STK32A: variants seen among roughly 807,000 people sequenced by gnomAD.
The protein encoded by STK32A is serine/threonine-protein kinase 32A.
STK32A carries 41 observed loss-of-function variants against 53.2 expected under a neutral mutation model. The ratio of observed to expected loss-of-function variants is 0.77; its 90% CI spans 0.60 to 1.00. The LOEUF is 1.00. STK32A is among the 50% of genes least tolerant of loss of function. The probability of loss-of-function intolerance (pLI) is 0.00; values close to 1 mark genes in which losing one functional copy is unlikely to be tolerated. For missense variants in STK32A, 458 were observed against 485.8 expected, an observed-to-expected ratio of 0.94 and a Z score of 0.54; for synonymous variants, 166 against 162.8, an observed-to-expected ratio of 1.02 and a Z score of -0.15.
intron 2 of STK32A, among the ~76,000 whole-genome samples, chr5:147,255,070 G>T (rs905464379): frequency 6.6e-6 from 1 of 152,160 alleles, no homozygotes; most frequent in African/African-American, 2.4e-5. Context: ...AACCCAGGAG[G>T]CGGAGCTTGC....
intron 4 of STK32A, among the ~76,000 whole-genome samples, chr5:147,287,157 G>T (rs529189271): frequency 6.6e-6 from 1 of 152,224 alleles, no homozygotes; most frequent in South Asian, 2.1e-4. Context: ...TGTGATCTGC[G>T]CTCCAAGCTA....
In STK32A at chr5:147,294,043, C is replaced by T. The variant is rs138711732; in HGVS notation, c.260+14645C>T. Among the ~76,000 whole-genome samples, 359 of 152,258 alleles carry T rather than the reference C, an allele frequency of 2.4e-3. 6 individuals carry two copies. In the East Asian group the frequency reaches 0.037, roughly 16 times the overall value. The stretch of plus-strand genomic sequence containing the variant: ...ATCTTTTATAACCTATTACAATTTT[C>T]TATTAAAGAGAAGATCAATGTTTCA... On this transcript the variant is annotated intron_variant, in intron 4 of 12. Transcript: ENST00000397936.
intron 2 of STK32A, among the ~76,000 whole-genome samples, chr5:147,275,995 T>C (rs1482709254): frequency 6.6e-6 from 1 of 152,226 alleles, no homozygotes; most frequent in Non-Finnish European, 1.5e-5. Context: ...AATGTCATCA[T>C]GGCATTCTAG....
At chr5:147,357,920 A>G (rs1056126628) in intron 7 of STK32A, among the ~76,000 whole-genome samples, 1 of 152,080 alleles carries the variant, frequency 6.6e-6, no homozygotes, top group African/African-American at 2.4e-5. Flanking sequence ...TATTCTGTAG[A>G]TTTCAAATCT....
Position 147,385,106 on chromosome 5 carries a change from T to G in STK32A, c.*1123T>G, listed in dbSNP as rs550839720. On this transcript the variant is annotated 3_prime_UTR_variant, in exon 13 of 13. Transcript: ENST00000397936. ...GGCTAATACCAGATGAGCTAAAATG[T>G]TGAACAAATTATACTTGTTTTTATA... 67 of 152,298 alleles carry G rather than the reference T, an allele frequency of 4.4e-4. No individual in the cohort carries two copies. The highest frequency in any genetic ancestry group is 1.6e-3 in the African/African-American group (67 of 41,572). 9.4% of individuals were successfully genotyped at this position (152,298 alleles called of 1,614,324 possible).
intron 4 of STK32A, among the ~76,000 whole-genome samples, chr5:147,286,272 G>C (rs928277904): frequency 2.6e-5 from 4 of 152,012 alleles, no homozygotes; most frequent in African/African-American, 4.8e-5. Flanking sequence ...GGAGACTTAG[G>C]GGGAAGAGTG....
intron 4 of STK32A, among the ~76,000 whole-genome samples, chr5:147,308,810 G>A (rs924566980): frequency 2.0e-5 from 3 of 151,274 alleles, no homozygotes; most frequent in Non-Finnish European, 2.9e-5. Flanking sequence ...TGTGAGTGAA[G>A]CAAGTTGATT....
intron 1 of STK32A, among the ~76,000 whole-genome samples, chr5:147,236,106 T>C (rs1047156214): frequency 1.3e-5 from 2 of 152,160 alleles, no homozygotes; most frequent in Non-Finnish European, 2.9e-5. Flanking sequence ...TCCTATGTTT[T>C]CCAATCCTAG....
At chr5:147,236,700 A>G (rs1302031773) in intron 1 of STK32A, among the ~76,000 whole-genome samples, 5 of 152,148 alleles carry the variant, frequency 3.3e-5, no homozygotes, top group Admixed American at 3.3e-4. Context: ...CTGTTTGCAT[A>G]TTATCTTCCC....
chr5:147,257,533 G>A (rs1186896086), intron 2 of STK32A, among the ~76,000 whole-genome samples: 1 of 152,190 alleles, frequency 6.6e-6, no homozygotes, highest in African/African-American at 2.4e-5. Flanking sequence ...ATAGATAAAA[G>A]AGAGTTAAAT....
chr5:147,264,862 G>A (rs1754736189), intron 2 of STK32A, among the ~76,000 whole-genome samples: 1 of 152,038 alleles, frequency 6.6e-6, no homozygotes, highest in African/African-American at 2.4e-5. Flanking sequence ...GTAGATCATA[G>A]GACTGCCATT....
chr5:147,390,504 A>T (rs939507360), downstream of STK32A, among the ~76,000 whole-genome samples: 2 of 151,702 alleles, frequency 1.3e-5, no homozygotes, highest in Admixed American at 1.3e-4. Context: ...ACCCAAAACA[A>T]AAAGCTTTAT....
intron 4 of STK32A, among the ~76,000 whole-genome samples, chr5:147,303,745 T>C (rs1249850359): frequency 2.0e-5 from 3 of 152,338 alleles, no homozygotes; most frequent in South Asian, 2.1e-4. Flanking sequence ...TGAGTCCTTG[T>C]AGTGCTCTGA....
At chr5:147,353,269 A>G (rs1158066875) in intron 7 of STK32A, among the ~76,000 whole-genome samples, 4 of 152,226 alleles carry the variant, frequency 2.6e-5, no homozygotes, top group African/African-American at 9.6e-5. Context: ...GGGTGAGTGA[A>G]GGAGCTTTGA....
intron 5 of STK32A, among the ~76,000 whole-genome samples, chr5:147,342,128 A>G (rs1382179897): frequency 1.3e-5 from 2 of 152,212 alleles, no homozygotes; most frequent in East Asian, 3.9e-4. Context: ...ACTCCATTAG[A>G]GAAGAAATTC....
At chr5:147,297,775 T>A (rs1180575401) in intron 4 of STK32A, among the ~76,000 whole-genome samples, 1 of 152,074 alleles carries the variant, frequency 6.6e-6, no homozygotes, top group African/African-American at 2.4e-5. Context: ...GTCAGGAGTT[T>A]GAGACCAGTC....
At chr5:147,350,525 C>CTAATTTT (rs981824541) in intron 6 of STK32A, among the ~76,000 whole-genome samples, 1 of 151,896 alleles carries the variant, frequency 6.6e-6, no homozygotes, top group African/African-American at 2.4e-5. Flanking sequence ...CCACGCCCAG[C>CTAATTTT]TAATTTTTTA....
At position 147,243,113 on chromosome 5, in the gene STK32A, T is replaced by A. The variant is rs1306655981; in HGVS notation, c.52+3427T>A. Among the ~76,000 whole-genome samples, 21 of 53,150 alleles carry A rather than the reference T, an allele frequency of 4.0e-4. 6 individuals are homozygous for A. The highest frequency in any genetic ancestry group is 1.7e-4 in the Non-Finnish European group (4 of 23,290). 34.9% of individuals were successfully genotyped at this position (53,150 alleles called of 152,430 possible). A position where few individuals can be genotyped will look rare whatever the true frequency, so the allele number is the denominator to read the frequency against. On this transcript the variant is annotated intron_variant, in intron 2 of 12. Coordinates refer to ENST00000397936, the MANE Select transcript of STK32A (RefSeq NM_001112724.2). ...AATATGTGATTTTTAAAAAGTTTTT[T>A]AAAATTTTTAAAAAGATTTTTTAAA...
chr5:147,379,680 G>T (rs184567605), intron 11 of STK32A, among the ~76,000 whole-genome samples: 2 of 152,168 alleles, frequency 1.3e-5, no homozygotes, highest in Admixed American at 1.3e-4. Context: ...AGACTGCCAT[G>T]CCACCCAGTC....
Sources: allele counts gnomAD v4.1 joint callset (sites outside exome capture counted in the v4.1 genomes callset), GRCh38; gene constraint gnomAD v4.1.1; transcripts MANE v1.5; gene names NCBI Gene and HGNC (gene_info 2026-07-23, HGNC 2026-07-21).